Variants in UTP20 observed in about 807,000 individuals in gnomAD.
The protein encoded by UTP20 is small subunit processome component 20 homolog.
In UTP20, 164 loss-of-function variants were observed where a neutral mutation model predicts 329.5. The ratio of observed to expected loss-of-function variants is 0.50; its 90% CI spans 0.44 to 0.57. UTP20 has a LOEUF of 0.57. Ranked by LOEUF, UTP20 falls within the 20% of genes least tolerant of loss-of-function variation. UTP20 has a pLI of 0.00. For synonymous variants in UTP20, 1,151 were observed against 1,159.3 expected, an observed-to-expected ratio of 0.99 and a Z score of 0.14; for missense variants, 3,055 against 3,284.2, an observed-to-expected ratio of 0.93 and a Z score of 1.71.
At chr12:101,315,858 C>T (rs1014454082) in intron 21 of UTP20, among the ~76,000 whole-genome samples, 2 of 152,108 alleles carry the variant, frequency 1.3e-5, no homozygotes, top group East Asian at 3.9e-4. Flanking sequence ...TACCCCACGG[C>T]TTAAGGATAA....
At chr12:101,297,977 T>G (rs1872411890) in intron 12 of UTP20, among the ~76,000 whole-genome samples, 1 of 152,212 alleles carries the variant, frequency 6.6e-6, no homozygotes, top group Non-Finnish European at 1.5e-5. Flanking sequence ...AACGGAGATA[T>G]GGTATGTGTG....
In UTP20 at chr12:101,373,686, C is replaced by A; in HGVS notation, c.7050C>A (p.Ile2350=). Residue 2350 remains isoleucine, a synonymous_variant, in exon 54 of 62, where the codon ATC becomes ATA. Transcript: ENST00000261637. ...ATCKKMASMT[I]KSLLGKISLE... is the part of the protein sequence containing the mutation. ...GCAAAAAGATGGCATCCATGACAATCAAGTCCCTACTTGGTAAAATCAGCC... is the reference window on the plus strand; with the variant it reads ...GCAAAAAGATGGCATCCATGACAATAAAGTCCCTACTTGGTAAAATCAGCC... 6.2e-7 allele frequency: 1 copy of A among 1,613,126 alleles called. No individual in the cohort carries two copies. Among genetic ancestry groups the A allele is most frequent in the South Asian group, 1.1e-5 (1 of 90,682 alleles).
At chr12:101,334,384 G>C in intron 28 of UTP20, 41 bp from the exon 29 acceptor site, 3 of 1,539,950 alleles carry the variant, frequency 1.9e-6, no homozygotes, top group Non-Finnish European at 1.8e-6. Context: ...CTATAATTTG[G>C]TATATGTATT....
chr12:101,306,854 A>T, intron 17 of UTP20, 93 bp downstream of exon 17: 1 of 1,261,796 alleles, frequency 7.9e-7, no homozygotes, highest in Non-Finnish European at 1.1e-6. Context: ...GAAAATTAAC[A>T]CACTATATAA....
rs768030600 is a variant in UTP20, at chr12:101,312,030, T to C, written c.2312-6T>C. ...CTGGTGGTTATGACAACTTTCTTTC[T>C]TGCAGAGAAGGAACTACAGAATGAT... On this transcript the variant is annotated splice_region_variant and splice_polypyrimidine_tract_variant and intron_variant, in intron 20 of 61. Transcript: ENST00000261637. 1.2e-6 allele frequency: 2 copies of C among 1,614,100 alleles called. No individual in the cohort carries two copies. Among genetic ancestry groups the C allele is most frequent in the South Asian group, 1.1e-5 (1 of 91,078 alleles).
chr12:101,355,248 C>T, intron 41 of UTP20, 130 bp downstream of exon 41: 2 of 1,003,894 alleles, frequency 2.0e-6, no homozygotes, highest in Non-Finnish European at 2.9e-6. Flanking sequence ...CAACACTTCA[C>T]AATTCACCCC....
At chr12:101,324,122 G>A (rs1037936094) in intron 25 of UTP20, among the ~76,000 whole-genome samples, 1 of 151,178 alleles carries the variant, frequency 6.6e-6, no homozygotes, top group African/African-American at 2.4e-5. Context: ...GGATGACAGA[G>A]CGAGACTCTG....
At chr12:101,368,432 C>T (rs950198409) in intron 48 of UTP20, among the ~76,000 whole-genome samples, 42 of 152,158 alleles carry the variant, frequency 2.8e-4, no homozygotes, top group African/African-American at 9.2e-4. Context: ...CGTGCCCGGC[C>T]GAGATTATTG....
At chr12:101,371,548 T>C (rs1246705657) in intron 51 of UTP20, among the ~76,000 whole-genome samples, 2 of 95,796 alleles carry the variant, frequency 2.1e-5, no homozygotes, top group Admixed American at 2.3e-4. Context: ...TTTTTTTTTT[T>C]TGAGACGGAG....
chr12:101,292,905 A>G (rs1872212607), intron 10 of UTP20, among the ~76,000 whole-genome samples: 1 of 152,240 alleles, frequency 6.6e-6, no homozygotes, highest in Admixed American at 6.5e-5. Flanking sequence ...ACAGTAGTAC[A>G]CTTTGAGGGA....
intron 7 of UTP20, 27 bp downstream of exon 7, chr12:101,290,301 G>C: frequency 6.4e-7 from 1 of 1,566,250 alleles, no homozygotes; most frequent in Non-Finnish European, 8.6e-7. Flanking sequence ...GGTGCTTAGA[G>C]TCTATGTGGA....
At chr12:101,303,269 G>A (rs1872569114) in intron 15 of UTP20, among the ~76,000 whole-genome samples, 1 of 152,182 alleles carries the variant, frequency 6.6e-6, no homozygotes, top group African/African-American at 2.4e-5. Context: ...CTGCCTTCTT[G>A]TAGCTAATGC....
chr12:101,284,046 CTT>C (rs1555197026), intron 2 of UTP20, among the ~76,000 whole-genome samples: 1 of 56,926 alleles, frequency 1.8e-5, no homozygotes, highest in Non-Finnish European at 7.9e-5. Context: ...TTTATTCTCT[CTT>C]TTTTCTCTCT....
intron 24 of UTP20, 38 bp from the exon 25 acceptor site, chr12:101,321,466 G>A (rs1192447515): frequency 6.2e-7 from 1 of 1,607,616 alleles, no homozygotes; most frequent in Non-Finnish European, 8.5e-7. Flanking sequence ...AAGCACTGTT[G>A]ATAAAGTGGT....
intron 27 of UTP20, among the ~76,000 whole-genome samples, chr12:101,332,354 A>T (rs1244099674): frequency 6.6e-6 from 1 of 152,068 alleles, no homozygotes; most frequent in East Asian, 1.9e-4. Flanking sequence ...AAAAAAAAGA[A>T]ATGTCTTTCG....
At chr12:101,285,495 A>G (rs1384965083) in intron 2 of UTP20, 75 bp from the exon 3 acceptor site, 6 of 1,452,400 alleles carry the variant, frequency 4.1e-6, no homozygotes, top group South Asian at 1.2e-5. Flanking sequence ...AGATATTAAT[A>G]TATCATTATT....
chr12:101,366,089 A>C (rs962859836), intron 46 of UTP20, among the ~76,000 whole-genome samples: 16 of 152,156 alleles, frequency 1.1e-4, no homozygotes, highest in Non-Finnish European at 1.8e-4. Context: ...AAAATTAGCC[A>C]GGCATGGTGC....
chr12:101,328,979 G>A (rs965848702), intron 26 of UTP20, among the ~76,000 whole-genome samples: 12 of 151,878 alleles, frequency 7.9e-5, no homozygotes, highest in Admixed American at 4.6e-4. Flanking sequence ...ACTTAGTTCT[G>A]TCGCAGATTT....
rs142045424 is a variant in UTP20, at chr12:101,373,530, A to G, written c.6949-55A>G. 38 of 1,613,060 alleles carry G rather than the reference A, an allele frequency of 2.4e-5. No individual in the cohort carries two copies. The African/African-American group carries it at 2.5e-4, about 11-fold the overall frequency. ...TGGAAGTCCTCAGTCCCCCTTTGCT[A>G]GAGCATCTGTAGGAATTCCACTCTG... On this transcript the variant is annotated intron_variant, in intron 53 of 61. Coordinates refer to ENST00000261637, the MANE Select transcript of UTP20 (RefSeq NM_014503.3).
Sources: gnomAD v4.1 joint callset for allele counts (sites outside exome capture counted in the v4.1 genomes callset) on GRCh38, gnomAD v4.1.1 for gene constraint, MANE v1.5 for transcripts, NCBI Gene and HGNC (gene_info 2026-07-23, HGNC 2026-07-21) for gene names.